The following PPFIBP2 variants were observed in gnomAD, a reference collection of about 807,000 sequenced individuals.
The protein encoded by PPFIBP2 is liprin-beta-2.
Under a neutral mutation model 118.3 loss-of-function variants are expected in PPFIBP2, and 118 were observed. That is an observed-to-expected ratio of 1.00 (90% CI 0.86 to 1.16). The LOEUF is 1.16. Among genes scored for constraint, PPFIBP2 ranks in the 50% most tolerant of loss-of-function variants. PPFIBP2 has a pLI of 0.00. For synonymous variants in PPFIBP2, 414 were observed against 397.4 expected (o/e 1.04, Z -0.50); for missense variants, 1,195 against 1,073.1 (o/e 1.11, Z -1.59).
At chr11:7,552,264 C>T (rs1853079274) in intron 2 of PPFIBP2, among the ~76,000 whole-genome samples, 1 of 152,230 alleles carries the variant, frequency 6.6e-6, no homozygotes, top group Non-Finnish European at 1.5e-5. Flanking sequence ...CCTGTGTTGA[C>T]ATGCGTAAGG....
intron 6 of PPFIBP2, chr11:7,610,647 C>A: frequency 4.4e-6 from 2 of 450,808 alleles, no homozygotes; most frequent in Non-Finnish European, 7.9e-6. Context: ...TTTATCTGCC[C>A]TCAAACTGCT....
At chr11:7,633,449 A>G (rs1851044576) in intron 12 of PPFIBP2, among the ~76,000 whole-genome samples, 1 of 152,136 alleles carries the variant, frequency 6.6e-6, no homozygotes, top group Non-Finnish European at 1.5e-5. Context: ...TCTAAAATAA[A>G]CCTAAATCTA....
At chr11:7,650,769 G>C (rs1853871880) in intron 21 of PPFIBP2, 71 bp from the exon 22 acceptor site, 2 of 1,536,352 alleles carry the variant, frequency 1.3e-6, no homozygotes, top group Admixed American at 3.5e-5. Context: ...ACTTACCGGG[G>C]CTGACTCCAC....
intron 2 of PPFIBP2, among the ~76,000 whole-genome samples, chr11:7,564,165 C>CA (rs199904165): frequency 1.4e-3 from 183 of 131,442 alleles, no homozygotes; most frequent in Admixed American, 3.4e-3. Flanking sequence ...GACTCCGTCT[C>CA]AAAAAAAAAA....
At position 7,551,799 on chromosome 11, in the gene PPFIBP2, C is replaced by T. The variant is rs575270907; in HGVS notation, c.64+2260C>T. Among the ~76,000 whole-genome samples, 3 of 152,344 alleles carry T rather than the reference C, an allele frequency of 2.0e-5. No individual in the cohort carries two copies. The South Asian group carries it at 6.2e-4, about 32-fold the overall frequency. On this transcript the variant is annotated intron_variant, in intron 2 of 23. Transcript: ENST00000299492. ...CTCCTGATTTCTCCATACAGGCATT[C>T]CTGAAATGACAGAGCCTCTGGCAAA...
intron 3 of PPFIBP2, among the ~76,000 whole-genome samples, chr11:7,569,474 A>G (rs1199405256): frequency 6.6e-6 from 1 of 152,232 alleles, no homozygotes; most frequent in Non-Finnish European, 1.5e-5. Context: ...CTAGAAGGGC[A>G]TGTGCAAGGC....
intron 6 of PPFIBP2, among the ~76,000 whole-genome samples, chr11:7,618,975 A>G (rs1225726702): frequency 2.6e-5 from 4 of 151,874 alleles, no homozygotes; most frequent in Admixed American, 6.6e-5. Context: ...TGACCCTACA[A>G]AATTCAAGGG....
intron 12 of PPFIBP2, among the ~76,000 whole-genome samples, chr11:7,634,146 A>G (rs1462493386): frequency 6.6e-6 from 1 of 152,164 alleles, no homozygotes; most frequent in Non-Finnish European, 1.5e-5. Context: ...CAGCATCAGC[A>G]CCTTTCCCCT....
Position 7,651,308 on chromosome 11 carries a change from A to G in PPFIBP2, c.2247+343A>G, listed in dbSNP as rs576796343. 2.9e-5 allele frequency: 10 copies of G among 339,460 alleles called. No individual in the cohort carries two copies. The East Asian group carries it at 5.1e-4, about 17-fold the overall frequency. 21.0% of individuals were successfully genotyped at this position (339,460 alleles called of 1,614,324 possible). A position where few individuals can be genotyped will look rare whatever the true frequency, so the allele number is the denominator to read the frequency against. On this transcript the variant is annotated intron_variant, in intron 22 of 23. Coordinates refer to ENST00000299492, the MANE Select transcript of PPFIBP2 (RefSeq NM_003621.5). ...GCAGCTTCCCACTTGCTGCAATAGGATCCCTATCACTACTCAGATCTGTCA... is the reference window on the plus strand; with the variant it reads ...GCAGCTTCCCACTTGCTGCAATAGGGTCCCTATCACTACTCAGATCTGTCA...
At chr11:7,651,941 G>A (rs1166216306) in intron 23 of PPFIBP2, 97 bp downstream of exon 23, 17 of 1,193,330 alleles carry the variant, frequency 1.4e-5, no homozygotes, top group East Asian at 2.4e-5. Context: ...AGCAGCATGC[G>A]CAGCCTGGAC....
At chr11:7,543,084 G>A (rs1307878100) in intron 1 of PPFIBP2, among the ~76,000 whole-genome samples, 1 of 152,168 alleles carries the variant, frequency 6.6e-6, no homozygotes, top group Non-Finnish European at 1.5e-5. Context: ...GTTAATATGG[G>A]ATGTGATTGA....
At chr11:7,645,002 G>A (rs1253764480) in intron 17 of PPFIBP2, among the ~76,000 whole-genome samples, 1 of 121,488 alleles carries the variant, frequency 8.2e-6, no homozygotes, top group Non-Finnish European at 1.6e-5. Context: ...ACTCCAGCCT[G>A]GGCGACAGAG....
chr11:7,635,568 A>T lies in PPFIBP2; in HGVS notation c.1211A>T (p.Gln404Leu). ...ESVDKCMDGN[Q>L]PFPVLEPKDS... ...ACTCCATAGTGTATGGATGGGAACC[A>T]GCCCTTCCCGGTGTTAGAACCCAAG... The change falls in exon 14 of 24, where the codon CAG (glutamine) becomes CTG (leucine). Residue 404 changes from glutamine (Q) to leucine (L), a missense_variant. Gln to Leu is a moderately radical substitution (Grantham distance 113). Transcript: ENST00000299492. The T allele has an allele frequency of 6.2e-7, 1 of 1,611,466 alleles. No individual in the cohort carries two copies. The highest frequency in any genetic ancestry group is 8.5e-7 in the Non-Finnish European group (1 of 1,177,498).
At chr11:7,539,739 G>A (rs1233328573) in intron 1 of PPFIBP2, among the ~76,000 whole-genome samples, 1 of 152,192 alleles carries the variant, frequency 6.6e-6, no homozygotes, top group Non-Finnish European at 1.5e-5. Flanking sequence ...GATCCTTGGA[G>A]ATAATGATGA....
intron 1 of PPFIBP2, among the ~76,000 whole-genome samples, chr11:7,535,293 G>T (rs1355025742): frequency 6.6e-6 from 1 of 152,212 alleles, no homozygotes; most frequent in African/African-American, 2.4e-5. Context: ...AGTTTTGATG[G>T]ACAGAGATTG....
intron 4 of PPFIBP2, among the ~76,000 whole-genome samples, chr11:7,596,382 C>T (rs932626101): frequency 1.0e-4 from 13 of 129,930 alleles, no homozygotes; most frequent in Non-Finnish European, 1.7e-4. Context: ...AGAAAGAGCC[C>T]GTTCTTGTTT....
intron 6 of PPFIBP2, among the ~76,000 whole-genome samples, chr11:7,610,922 A>T (rs755197466): frequency 2.0e-5 from 3 of 152,168 alleles, no homozygotes; most frequent in Admixed American, 2.0e-4. Context: ...CTCTTAGAGA[A>T]TGTTTTCCTA....
downstream of PPFIBP2, among the ~76,000 whole-genome samples, chr11:7,661,110 A>T (rs1854881932): frequency 1.3e-5 from 2 of 151,242 alleles, no homozygotes; most frequent in Non-Finnish European, 3.0e-5. Flanking sequence ...TCCTGGATTC[A>T]TTAATTTTTT....
chr11:7,650,901 G>C lies in PPFIBP2; in HGVS notation c.2183G>C (p.Arg728Pro). Residue 728 changes from arginine (R) to proline (P), a missense_variant, in exon 22 of 24, where the codon CGA becomes CCA. By Grantham distance (103) the Arg-to-Pro change is moderately radical. Transcript: ENST00000299492. ...AACCACAGGGTGATGGAGTGGTTAC[G>C]ATCTGTGGACCTGGCAGAGTATGCA... is the stretch of plus-strand genomic sequence containing the variant. ...WSNHRVMEWL[R>P]SVDLAEYAPN... The C allele has an allele frequency of 6.2e-7, 1 of 1,614,106 alleles. No individual in the cohort carries two copies. The highest frequency in any genetic ancestry group is 8.5e-7 in the Non-Finnish European group (1 of 1,179,968).
Sources: gnomAD v4.1 joint callset for allele counts (sites outside exome capture counted in the v4.1 genomes callset) on GRCh38, gnomAD v4.1.1 for gene constraint, MANE v1.5 for transcripts, NCBI Gene and HGNC (gene_info 2026-07-23, HGNC 2026-07-21) for gene names.